FOXN3: variants seen among roughly 807,000 people sequenced by gnomAD.
FOXN3 encodes forkhead box protein N3.
Under a neutral mutation model 38.4 loss-of-function variants are expected in FOXN3, and 7 were observed. That is an observed-to-expected ratio of 0.18 (90% CI 0.10 to 0.34). The LOEUF (loss-of-function observed/expected upper bound fraction) is 0.34, where lower values mean the gene tolerates loss of function less well. Among genes scored for constraint, FOXN3 ranks in the 10% least tolerant of loss-of-function variants. FOXN3 has a pLI of 1.00. For missense variants in FOXN3, 456 were observed against 613.4 expected (o/e 0.74, Z 2.71); for synonymous variants, 230 against 242.2 (o/e 0.95, Z 0.47).
chr14:89,180,809 GA>G lies in FOXN3; in HGVS notation c.746-4del. 6.2e-7 allele frequency: 1 copy of G among 1,601,658 alleles called. No homozygotes were observed. Among genetic ancestry groups the G allele is most frequent in the Non-Finnish European group, 8.5e-7 (1 of 1,173,426 alleles). On this transcript the variant is annotated splice_region_variant and splice_polypyrimidine_tract_variant and intron_variant, in intron 4 of 5. Transcript: ENST00000557258. ...ATTTTGGATCACTCCTGGAGGAACTGAAAAAGCAAAGGGGAGAAAGACACCG... is the reference window on the plus strand; with the variant it reads ...ATTTTGGATCACTCCTGGAGGAACTGAAAAGCAAAGGGGAGAAAGACACCG...
chr14:89,398,701 T>C (rs955650128), intron 2 of FOXN3, among the ~76,000 whole-genome samples: 4 of 152,144 alleles, frequency 2.6e-5, no homozygotes. Flanking sequence ...TCATTAGTAC[T>C]GGGCTGGGCA....
intron 3 of FOXN3, chr14:89,349,446 G>A (rs1469851226): frequency 2.0e-5 from 3 of 152,426 alleles, no homozygotes; most frequent in Non-Finnish European, 2.9e-5. Flanking sequence ...GCTATGTAAG[G>A]TTATTTGTTT....
chr14:89,606,441 A>G (rs952738816), intron 1 of FOXN3, among the ~76,000 whole-genome samples: 1 of 152,228 alleles, frequency 6.6e-6, no homozygotes, highest in African/African-American at 2.4e-5. Flanking sequence ...AAGGTTGAGC[A>G]TTGAAGCCAG....
intron 3 of FOXN3, among the ~76,000 whole-genome samples, chr14:89,339,872 C>A (rs375510220): frequency 6.6e-6 from 1 of 152,190 alleles, no homozygotes; most frequent in African/African-American, 2.4e-5. Flanking sequence ...AGAACCCCCA[C>A]CTCCCACGCG....
At chr14:89,458,687 G>GC (rs1892777362) in intron 1 of FOXN3, among the ~76,000 whole-genome samples, 1 of 152,126 alleles carries the variant, frequency 6.6e-6, no homozygotes, top group Admixed American at 6.5e-5. Flanking sequence ...CTATCCAGCT[G>GC]CCCTCTCAAC....
intron 4 of FOXN3, among the ~76,000 whole-genome samples, chr14:89,269,110 G>T (rs1397388210): frequency 2.6e-5 from 4 of 152,184 alleles, no homozygotes; most frequent in African/African-American, 4.8e-5. Flanking sequence ...AGGACGTTGG[G>T]AGCATCTCTA....
intron 2 of FOXN3, among the ~76,000 whole-genome samples, chr14:89,400,540 T>A (rs968900575): frequency 1.3e-5 from 2 of 152,210 alleles, no homozygotes; most frequent in Non-Finnish European, 2.9e-5. Context: ...CATGTTCATC[T>A]GCAACCCCCA....
chr14:89,546,759 G>A (rs1021931014), intron 1 of FOXN3, among the ~76,000 whole-genome samples: 1 of 148,484 alleles, frequency 6.7e-6, no homozygotes, highest in South Asian at 2.1e-4. Context: ...ATACACATAC[G>A]CATACACATA....
At chr14:89,539,411 A>G (rs1894754529) in intron 1 of FOXN3, among the ~76,000 whole-genome samples, 1 of 152,258 alleles carries the variant, frequency 6.6e-6, no homozygotes, top group African/African-American at 2.4e-5. Flanking sequence ...ATACCGGTCC[A>G]GTGAAAATGA....
At chr14:89,321,701 T>G (rs1211509999) in intron 3 of FOXN3, among the ~76,000 whole-genome samples, 1 of 152,224 alleles carries the variant, frequency 6.6e-6, no homozygotes, top group East Asian at 1.9e-4. Flanking sequence ...TGTCTTTGTA[T>G]TCTCTTAATA....
Position 89,473,429 on chromosome 14 carries a change from T to C in FOXN3, c.-14-60939A>G, listed in dbSNP as rs141400534. 1.9e-4 allele frequency among the ~76,000 whole-genome samples: 29 copies of C among 151,932 alleles called. 1 individual carries two copies. In the East Asian group the frequency reaches 5.2e-3, roughly 27 times the overall value. On this transcript the variant is annotated intron_variant, in intron 1 of 6. Transcript: ENST00000345097. ...CTCAAGCTGGAGTGCAGTGGCGTGA[T>C]TGCAGCTCACTGCAGCCTCGAACTT...
At chr14:89,383,938 C>G (rs910987518) in intron 2 of FOXN3, among the ~76,000 whole-genome samples, 1 of 151,756 alleles carries the variant, frequency 6.6e-6, no homozygotes, top group Non-Finnish European at 1.5e-5. Context: ...TACAGGTGCC[C>G]ACCACCATGC....
chr14:89,295,440 G>A (rs1162341911), intron 3 of FOXN3, among the ~76,000 whole-genome samples: 1 of 152,182 alleles, frequency 6.6e-6, no homozygotes, highest in East Asian at 1.9e-4. Context: ...GTGAGCAGAG[G>A]CTAACAGTGA....
chr14:89,465,276 C>G (rs1348539216), intron 1 of FOXN3, among the ~76,000 whole-genome samples: 1 of 152,144 alleles, frequency 6.6e-6, no homozygotes, highest in African/African-American at 2.4e-5. Flanking sequence ...TGTTGCCAGG[C>G]TGGAGTGCAG....
At chr14:89,209,634 T>C (rs951600227) in intron 4 of FOXN3, among the ~76,000 whole-genome samples, 1 of 152,238 alleles carries the variant, frequency 6.6e-6, no homozygotes, top group Non-Finnish European at 1.5e-5. Flanking sequence ...TCTCTATATT[T>C]GTAAACACTT....
chr14:89,177,620 T>A (rs923084016), intron 5 of FOXN3, among the ~76,000 whole-genome samples: 1 of 152,200 alleles, frequency 6.6e-6, no homozygotes, highest in East Asian at 1.9e-4. Flanking sequence ...GGGGGTGCCA[T>A]AGAGAGACTG....
intron 1 of FOXN3, among the ~76,000 whole-genome samples, chr14:89,464,932 G>A (rs770698476): frequency 4.6e-5 from 7 of 152,126 alleles, no homozygotes; most frequent in Non-Finnish European, 7.4e-5. Context: ...ACCTGACCTC[G>A]TGATACGCCC....
At chr14:89,213,021 C>CT (rs201400172) in intron 4 of FOXN3, among the ~76,000 whole-genome samples, 7,420 of 152,234 alleles carry the variant, frequency 0.049, 431 homozygotes, top group African/African-American at 0.14. Context: ...GGGGAATTTC[C>CT]TCATTTTGTT....
intron 1 of FOXN3, among the ~76,000 whole-genome samples, chr14:89,530,217 C>T (rs1189876648): frequency 3.9e-5 from 6 of 152,162 alleles, no homozygotes; most frequent in Admixed American, 2.6e-4. Context: ...GGATTACAGG[C>T]GTGAGCCACT....
Sources: allele counts gnomAD v4.1 joint callset (sites outside exome capture counted in the v4.1 genomes callset), GRCh38; gene constraint gnomAD v4.1.1; transcripts MANE v1.5; gene names NCBI Gene and HGNC (gene_info 2026-07-23, HGNC 2026-07-21).